ZNF804A: variants seen among roughly 807,000 people sequenced by gnomAD.
The protein encoded by ZNF804A is zinc finger protein 804A.
Under a neutral mutation model 16.5 loss-of-function variants are expected in ZNF804A, and 2 were observed. The observed-to-expected ratio is 0.12, with a 90% confidence interval of 0.05 to 0.38. The LOEUF (loss-of-function observed/expected upper bound fraction) is 0.38. Ranked by LOEUF, ZNF804A falls within the 10% of genes least tolerant of loss-of-function variation. ZNF804A has a pLI of 0.99. For synonymous variants in ZNF804A, 534 were observed against 489.6 expected, an observed-to-expected ratio of 1.09 and a Z score of -1.20; for missense variants, 1,473 against 1,390.7, an observed-to-expected ratio of 1.06 and a Z score of -0.94.
At chr2:184,705,506 T>G (rs1693011464) in intron 1 of ZNF804A, among the ~76,000 whole-genome samples, 1 of 152,200 alleles carries the variant, frequency 6.6e-6, no homozygotes, top group African/African-American at 2.4e-5. Flanking sequence ...TAATAAATGT[T>G]TTCTGCTTTT....
intron 1 of ZNF804A, among the ~76,000 whole-genome samples, chr2:184,663,187 C>T (rs1692204553): frequency 6.6e-6 from 1 of 152,170 alleles, no homozygotes; most frequent in Non-Finnish European, 1.5e-5. Context: ...CCTGGACATC[C>T]CTGTGCTCTC....
chr2:184,887,488 G>T (rs940091162), intron 2 of ZNF804A, among the ~76,000 whole-genome samples: 2 of 152,082 alleles, frequency 1.3e-5, no homozygotes, highest in Admixed American at 6.5e-5. Flanking sequence ...CCAATTTACT[G>T]TATTAGTCCT....
chr2:184,723,786 G>T (rs1693360569), intron 1 of ZNF804A, among the ~76,000 whole-genome samples: 1 of 151,486 alleles, frequency 6.6e-6, no homozygotes, highest in Non-Finnish European at 1.5e-5. Context: ...TAATGATTTT[G>T]GTCACTAGAT....
intron 1 of ZNF804A, among the ~76,000 whole-genome samples, chr2:184,767,229 T>A (rs1299071850): frequency 6.6e-6 from 1 of 152,082 alleles, no homozygotes; most frequent in Non-Finnish European, 1.5e-5. Flanking sequence ...CAGATAGACA[T>A]AATGGAGTAT....
At chr2:184,844,158 G>A (rs1187821349) in intron 1 of ZNF804A, among the ~76,000 whole-genome samples, 2 of 151,002 alleles carry the variant, frequency 1.3e-5, no homozygotes, top group Non-Finnish European at 2.9e-5. Flanking sequence ...CCTTGCAAGA[G>A]AGTATTCCTA....
chr2:184,762,174 G>A (rs1032570885), intron 1 of ZNF804A, among the ~76,000 whole-genome samples: 1 of 147,932 alleles, frequency 6.8e-6, no homozygotes, highest in African/African-American at 2.5e-5. Context: ...GTTTTGGATA[G>A]CCCTAATGAA....
At chr2:184,867,313 C>T (rs146584463) in intron 2 of ZNF804A, among the ~76,000 whole-genome samples, 47 of 152,166 alleles carry the variant, frequency 3.1e-4, no homozygotes, top group Admixed American at 5.2e-4. Flanking sequence ...AGCTATCACC[C>T]TCAAATACCA....
chr2:184,932,839 G>C (rs1289040723), intron 2 of ZNF804A, among the ~76,000 whole-genome samples: 1 of 152,114 alleles, frequency 6.6e-6, no homozygotes, highest in East Asian at 1.9e-4. Flanking sequence ...TTGGCATGCT[G>C]TTTTTCTTGC....
intron 1 of ZNF804A, among the ~76,000 whole-genome samples, chr2:184,829,930 A>G (rs1695234668): frequency 1.7e-5 from 1 of 59,072 alleles, no homozygotes; most frequent in Admixed American, 1.6e-4. Flanking sequence ...AAACAAAAAC[A>G]AAAAAAAAAA....
At chr2:184,803,633 T>C (rs1694757945) in intron 1 of ZNF804A, among the ~76,000 whole-genome samples, 2 of 152,304 alleles carry the variant, frequency 1.3e-5, no homozygotes, top group African/African-American at 4.8e-5. Context: ...GAAATTGTAT[T>C]AATTTCCCAG....
chr2:184,817,966 C>A (rs923387536), intron 1 of ZNF804A, among the ~76,000 whole-genome samples: 1 of 151,822 alleles, frequency 6.6e-6, no homozygotes, highest in African/African-American at 2.4e-5. Context: ...AGAATGGAAC[C>A]AATTTGAAAA....
At chr2:184,785,775 A>G (rs1694438083) in intron 1 of ZNF804A, among the ~76,000 whole-genome samples, 1 of 152,094 alleles carries the variant, frequency 6.6e-6, no homozygotes, top group African/African-American at 2.4e-5. Flanking sequence ...TAAAATACAT[A>G]TCTGTGCATA....
chr2:184,731,658 C>G (rs1218647813), intron 1 of ZNF804A, among the ~76,000 whole-genome samples: 2 of 150,062 alleles, frequency 1.3e-5, no homozygotes, highest in African/African-American at 5.0e-5. Context: ...CAGCCTCAAC[C>G]TCCTAGGCTC....
chr2:184,909,383 C>T (rs1332524493), intron 2 of ZNF804A, among the ~76,000 whole-genome samples: 1 of 151,966 alleles, frequency 6.6e-6, no homozygotes, highest in Non-Finnish European at 1.5e-5. Flanking sequence ...TGATCCATTG[C>T]TGCACAACAC....
intron 1 of ZNF804A, among the ~76,000 whole-genome samples, chr2:184,798,594 T>G (rs1371110958): frequency 6.6e-6 from 1 of 152,140 alleles, no homozygotes; most frequent in Non-Finnish European, 1.5e-5. Context: ...GTTTGATTGT[T>G]TTTTCTTTAT....
At chr2:184,865,134 C>G (rs1185727688) in intron 1 of ZNF804A, among the ~76,000 whole-genome samples, 1 of 151,942 alleles carries the variant, frequency 6.6e-6, no homozygotes, top group Non-Finnish European at 1.5e-5. Flanking sequence ...CATGCCTGGG[C>G]CTTCCAAAGT....
intron 1 of ZNF804A, among the ~76,000 whole-genome samples, chr2:184,615,079 A>G (rs1265429610): frequency 2.0e-5 from 3 of 152,346 alleles, no homozygotes; most frequent in Non-Finnish European, 4.4e-5. Context: ...CTAAAGACAC[A>G]TGCACACATA....
chr2:184,640,358 T>G (rs1326798018), intron 1 of ZNF804A, among the ~76,000 whole-genome samples: 1 of 152,048 alleles, frequency 6.6e-6, no homozygotes, highest in Non-Finnish European at 1.5e-5. Context: ...GAGTTTCTTT[T>G]TTTTCAAATT....
chr2:184,605,685 A>C (rs1691134590), intron 1 of ZNF804A, among the ~76,000 whole-genome samples: 1 of 152,136 alleles, frequency 6.6e-6, no homozygotes, highest in African/African-American at 2.4e-5. Context: ...ATGTGTATAG[A>C]CTATATGTAA....
Sources: allele counts gnomAD v4.1 joint callset (sites outside exome capture counted in the v4.1 genomes callset), GRCh38; gene constraint gnomAD v4.1.1; transcripts MANE v1.5; gene names NCBI Gene and HGNC (gene_info 2026-07-23, HGNC 2026-07-21).